Variants in SLC24A2 observed in about 807,000 individuals in gnomAD.
SLC24A2 encodes the protein solute carrier family 24 member 2, also known as sodium/potassium/calcium exchanger 2.
Under a neutral mutation model 62.0 loss-of-function variants are expected in SLC24A2, and 36 were observed. The observed-to-expected ratio is 0.58, with a 90% CI of 0.44 to 0.77. The LOEUF (loss-of-function observed/expected upper bound fraction) is 0.77, where lower values mean the gene tolerates loss of function less well. Ranked by LOEUF, SLC24A2 falls within the 30% of genes least tolerant of loss-of-function variation. SLC24A2 has a pLI of 0.00. For missense variants in SLC24A2, 846 were observed against 817.9 expected (o/e 1.03, Z -0.42); for synonymous variants, 358 against 294.0 (o/e 1.22, Z -2.23).
chr9:19,986,431 C>A, the SLC24A2 span, among the ~76,000 whole-genome samples: 2 of 152,130 alleles, frequency 1.3e-5, no homozygotes, highest in Non-Finnish European at 2.9e-5. Flanking sequence ...AATTCCATCT[C>A]TAGGTATGTA....
the SLC24A2 span, among the ~76,000 whole-genome samples, chr9:20,141,068 A>G: frequency 6.6e-6 from 1 of 152,274 alleles, no homozygotes; most frequent in Middle Eastern, 3.4e-3. Flanking sequence ...CTTTGGGAGC[A>G]GCAAAACCAG....
the SLC24A2 span, among the ~76,000 whole-genome samples, chr9:19,889,648 C>T: frequency 1.3e-5 from 2 of 152,130 alleles, no homozygotes; most frequent in African/African-American, 4.8e-5. Flanking sequence ...AACATTTTAT[C>T]CCTTCTTGTT....
chr9:20,017,233 G>T, the SLC24A2 span, among the ~76,000 whole-genome samples: 1 of 152,046 alleles, frequency 6.6e-6, no homozygotes, highest in African/African-American at 2.4e-5. Flanking sequence ...ACGTTGCCCA[G>T]ACTGGTCTCG....
the SLC24A2 span, among the ~76,000 whole-genome samples, chr9:20,022,415 G>T: frequency 2.0e-5 from 3 of 152,140 alleles, no homozygotes; most frequent in African/African-American, 7.2e-5. Context: ...AAGGACTAAG[G>T]CACAGAACAA....
chr9:20,182,742 C>T, the SLC24A2 span, among the ~76,000 whole-genome samples: 1 of 152,108 alleles, frequency 6.6e-6, no homozygotes, highest in Non-Finnish European at 1.5e-5. Flanking sequence ...CGTAACAAAC[C>T]TACACGTTGT....
rs1033013481 is a variant in SLC24A2 at position 19,509,943 on chromosome 9, G to C, written c.*6210C>G. 22 of 152,102 alleles carry C rather than the reference G, an allele frequency of 1.4e-4. No homozygotes were observed. The highest frequency in any genetic ancestry group is 5.3e-4 in the African/African-American group (22 of 41,412). The allele number at this position is 152,102 out of a possible 1,614,324, so 9.4% of individuals were successfully genotyped here. A position where few individuals can be genotyped will look rare whatever the true frequency, so the allele number is the denominator to read the frequency against. The stretch of plus-strand genomic sequence containing the variant: ...ATCCTATCCAACCTACCACACAAAA[G>C]GATATAAACACACTGCAGTACTGGT... On this transcript the variant is annotated 3_prime_UTR_variant, in exon 11 of 11. Coordinates refer to ENST00000341998, the MANE Select transcript of SLC24A2 (RefSeq NM_020344.4).
the SLC24A2 span, among the ~76,000 whole-genome samples, chr9:20,193,705 G>C: frequency 6.6e-6 from 1 of 151,922 alleles, no homozygotes; most frequent in Non-Finnish European, 1.5e-5. Context: ...CCAATAGAGA[G>C]ACATACAAAA....
the SLC24A2 span, among the ~76,000 whole-genome samples, chr9:20,059,432 T>A: frequency 6.6e-6 from 1 of 152,136 alleles, no homozygotes; most frequent in Non-Finnish European, 1.5e-5. Context: ...TTTTAAAAGA[T>A]TGAAATCTTA....
chr9:19,529,296 T>A (rs192115419), intron 8 of SLC24A2, among the ~76,000 whole-genome samples: 34 of 152,340 alleles, frequency 2.2e-4, no homozygotes, highest in African/African-American at 8.2e-4. Flanking sequence ...CGTTCTGTCA[T>A]GGCTTTTGAG....
chr9:19,573,581 G>C, intron 6 of SLC24A2, 112 bp from the exon 7 acceptor site: 1 of 853,476 alleles, frequency 1.2e-6, no homozygotes, highest in Non-Finnish European at 2.0e-6. Context: ...TGGGGGTAAA[G>C]AGCAATATTG....
chr9:20,104,461 T>A, the SLC24A2 span, among the ~76,000 whole-genome samples: 8 of 152,198 alleles, frequency 5.3e-5, no homozygotes, highest in South Asian at 1.7e-3. Flanking sequence ...AAGGTCGGGT[T>A]ACCCACAAAG....
chr9:19,942,245 C>G, the SLC24A2 span, among the ~76,000 whole-genome samples: 3 of 152,172 alleles, frequency 2.0e-5, no homozygotes, highest in Admixed American at 2.0e-4. Context: ...TTATAAGTGA[C>G]TGCATCCATG....
At chr9:19,570,600 C>T (rs1043948500) in intron 7 of SLC24A2, among the ~76,000 whole-genome samples, 2 of 152,126 alleles carry the variant, frequency 1.3e-5, no homozygotes, top group African/African-American at 2.4e-5. Context: ...GAAAGGACAC[C>T]TCGAATGGTG....
the SLC24A2 span, among the ~76,000 whole-genome samples, chr9:20,290,317 C>T: frequency 6.6e-6 from 1 of 152,244 alleles, no homozygotes; most frequent in Non-Finnish European, 1.5e-5. Context: ...GCATTCCCTG[C>T]ATACCCATCT....
chr9:20,117,832 T>C, the SLC24A2 span, among the ~76,000 whole-genome samples: 1 of 152,156 alleles, frequency 6.6e-6, no homozygotes, highest in South Asian at 2.1e-4. Context: ...CATTTAATTC[T>C]CCTGAAAGTC....
chr9:20,103,392 T>A, the SLC24A2 span, among the ~76,000 whole-genome samples: 1 of 152,156 alleles, frequency 6.6e-6, no homozygotes, highest in Non-Finnish European at 1.5e-5. Context: ...GCAGACTGCC[T>A]CCTCAAGTGG....
the SLC24A2 span, among the ~76,000 whole-genome samples, chr9:20,043,557 T>C: frequency 6.6e-6 from 1 of 152,162 alleles, no homozygotes; most frequent in Non-Finnish European, 1.5e-5. Context: ...TAATGGGAGT[T>C]TGGAAGAAGC....
At chr9:20,075,195 G>C in the SLC24A2 span, among the ~76,000 whole-genome samples, 3 of 152,136 alleles carry the variant, frequency 2.0e-5, no homozygotes, top group Non-Finnish European at 4.4e-5. Flanking sequence ...ATGAAATTGG[G>C]AACAGGAATA....
At chr9:20,208,688 G>A in the SLC24A2 span, among the ~76,000 whole-genome samples, 3 of 152,308 alleles carry the variant, frequency 2.0e-5, 1 homozygote, top group Non-Finnish European at 1.5e-5. Flanking sequence ...AAATAGCCCA[G>A]CTATGGTTGT....
Sources: allele counts gnomAD v4.1 joint callset (sites outside exome capture counted in the v4.1 genomes callset), GRCh38; gene constraint gnomAD v4.1.1; transcripts MANE v1.5; gene names NCBI Gene and HGNC (gene_info 2026-07-23, HGNC 2026-07-21).